NUBPL: variants seen among roughly 807,000 people sequenced by gnomAD.
NUBPL encodes NUBP iron-sulfur cluster assembly factor, mitochondrial.
NUBPL carries 31 observed loss-of-function variants against 45.7 expected under a neutral mutation model. The observed-to-expected ratio is 0.68, with a 90% confidence interval of 0.51 to 0.92. The LOEUF is 0.92. Among genes scored for constraint, NUBPL ranks in the 40% least tolerant of loss-of-function variants. The pLI, the probability that NUBPL is intolerant of heterozygous loss-of-function variation, is 0.00. For synonymous variants in NUBPL, 144 were observed against 140.9 expected, an observed-to-expected ratio of 1.02 and a Z score of -0.15; for missense variants, 401 against 398.7, an observed-to-expected ratio of 1.01 and a Z score of -0.05.
chr14:31,624,256 G>A (rs1369550123), intron 4 of NUBPL, among the ~76,000 whole-genome samples: 1 of 152,182 alleles, frequency 6.6e-6, no homozygotes, highest in Non-Finnish European at 1.5e-5. Context: ...TGAGTTGGAT[G>A]ACTATGTAGA....
intron 6 of NUBPL, among the ~76,000 whole-genome samples, chr14:31,752,009 G>T (rs1308710950): frequency 6.6e-6 from 1 of 152,210 alleles, no homozygotes; most frequent in African/African-American, 2.4e-5. Context: ...GAGCCTGGAG[G>T]AGCTGGGACA....
At chr14:31,814,240 A>G (rs1022959760) in intron 7 of NUBPL, among the ~76,000 whole-genome samples, 3 of 152,174 alleles carry the variant, frequency 2.0e-5, no homozygotes, top group Non-Finnish European at 4.4e-5. Context: ...CTGGCATAAG[A>G]TGGTATCTCA....
chr14:31,692,224 G>A (rs1280427094), intron 6 of NUBPL, among the ~76,000 whole-genome samples: 1 of 152,082 alleles, frequency 6.6e-6, no homozygotes, highest in Non-Finnish European at 1.5e-5. Context: ...TTCACTCAAT[G>A]AATAACTGAT....
At chr14:31,564,334 A>AG (rs2033378652) in intron 2 of NUBPL, among the ~76,000 whole-genome samples, 1 of 152,030 alleles carries the variant, frequency 6.6e-6, no homozygotes, top group Non-Finnish European at 1.5e-5. Flanking sequence ...CCAGCCTTTC[A>AG]TATACATGAG....
intron 4 of NUBPL, among the ~76,000 whole-genome samples, chr14:31,657,942 T>G (rs971124990): frequency 1.3e-5 from 2 of 152,190 alleles, no homozygotes; most frequent in African/African-American, 4.8e-5. Context: ...ATACATCATA[T>G]GAATTTGATA....
chr14:31,705,983 C>T (rs973078298), intron 6 of NUBPL, among the ~76,000 whole-genome samples: 1 of 152,198 alleles, frequency 6.6e-6, no homozygotes, highest in Non-Finnish European at 1.5e-5. Flanking sequence ...TCTCCCTCCA[C>T]ACCTCCCCAC....
At chr14:31,740,554 TC>T (rs2038261449) in intron 6 of NUBPL, among the ~76,000 whole-genome samples, 1 of 152,234 alleles carries the variant, frequency 6.6e-6, no homozygotes, top group Admixed American at 6.5e-5. Flanking sequence ...GGATAACAAT[TC>T]TTTATCAAAT....
chr14:31,818,891 C>T (rs567163021), intron 7 of NUBPL, among the ~76,000 whole-genome samples: 28 of 152,184 alleles, frequency 1.8e-4, no homozygotes, highest in South Asian at 1.0e-3. Context: ...CTGAAGTGAG[C>T]AAAATAATGA....
chr14:31,625,536 C>T (rs1349628447), intron 4 of NUBPL, among the ~76,000 whole-genome samples: 4 of 147,808 alleles, frequency 2.7e-5, no homozygotes, highest in South Asian at 2.1e-4. Flanking sequence ...AGTGCAATGG[C>T]ATGATCTCTG....
chr14:31,673,233 G>T, intron 4 of NUBPL, 122 bp from the exon 5 acceptor site: 2 of 745,808 alleles, frequency 2.7e-6, no homozygotes, highest in Admixed American at 5.3e-5. Context: ...GTTGTACCCC[G>T]TAAACATATG....
chr14:31,641,149 A>T (rs1217053122), intron 4 of NUBPL, among the ~76,000 whole-genome samples: 1 of 152,094 alleles, frequency 6.6e-6, no homozygotes, highest in Non-Finnish European at 1.5e-5. Flanking sequence ...ACAGGGTTTC[A>T]CCATGTTGGC....
At chr14:31,638,705 C>G (rs916851194) in intron 4 of NUBPL, among the ~76,000 whole-genome samples, 2 of 152,198 alleles carry the variant, frequency 1.3e-5, no homozygotes, top group Non-Finnish European at 2.9e-5. Flanking sequence ...GTTCCATTCT[C>G]CCTGTCACTT....
rs371068888 is a variant in NUBPL at position 31,594,474 on chromosome 14, G to A, written c.292-4815G>A. Among the ~76,000 whole-genome samples the A allele has an allele frequency of 5.3e-5, 8 of 152,308 alleles. No individual in the cohort carries two copies. The South Asian group carries it at 8.3e-4, about 16-fold the overall frequency. On this transcript the variant is annotated intron_variant, in intron 3 of 10. Transcript: ENST00000281081. ...TTTCTATTTTGTACCTCTTTTGAGA[G>A]CAGTTATAAATATTTTATCATTTGG...
At chr14:31,806,277 T>C (rs892434198) in intron 7 of NUBPL, among the ~76,000 whole-genome samples, 6 of 152,278 alleles carry the variant, frequency 3.9e-5, no homozygotes, top group South Asian at 4.1e-4. Flanking sequence ...GTAATGGTAA[T>C]CAGAGAGCAG....
rs972460106 is a variant in NUBPL at position 31,707,069 on chromosome 14, T to G, written c.513+33495T>G. ...CTCTTAGTGAATACCCATTGTGTCT[T>G]TTTTTCCTTAATCGCCTGGGAGGAA... is the stretch of plus-strand genomic sequence containing the variant. On this transcript the variant is annotated intron_variant, in intron 6 of 10. Transcript: ENST00000281081. 1.5e-4 allele frequency among the ~76,000 whole-genome samples: 23 copies of G among 152,338 alleles called. 1 individual carries two copies. In the Middle Eastern group the frequency reaches 0.014, roughly 90 times the overall value.
intron 8 of NUBPL, among the ~76,000 whole-genome samples, chr14:31,827,965 T>G (rs2040131827): frequency 1.3e-5 from 2 of 152,272 alleles, no homozygotes; most frequent in South Asian, 4.1e-4. Context: ...CACAGTGCTG[T>G]GGGTATTGGC....
At chr14:31,595,096 C>G (rs2034248652) in intron 3 of NUBPL, among the ~76,000 whole-genome samples, 1 of 152,184 alleles carries the variant, frequency 6.6e-6, no homozygotes, top group Non-Finnish European at 1.5e-5. Flanking sequence ...TGGTTCGTGT[C>G]TTTGAAATCC....
chr14:31,655,816 G>A (rs1428419782), intron 4 of NUBPL, among the ~76,000 whole-genome samples: 2 of 152,190 alleles, frequency 1.3e-5, no homozygotes, highest in Non-Finnish European at 2.9e-5. Context: ...GAGAGCCCTT[G>A]TATTTTCAAA....
intron 10 of NUBPL, among the ~76,000 whole-genome samples, chr14:31,855,459 T>G (rs1229125571): frequency 6.6e-6 from 1 of 152,206 alleles, no homozygotes; most frequent in Admixed American, 6.5e-5. Context: ...GTTTGAAGGT[T>G]TTCCAGCCTG....
Sources: gnomAD v4.1 joint callset for allele counts (sites outside exome capture counted in the v4.1 genomes callset) on GRCh38, gnomAD v4.1.1 for gene constraint, MANE v1.5 for transcripts, NCBI Gene and HGNC (gene_info 2026-07-23, HGNC 2026-07-21) for gene names.